Variants in SYCP2L observed in about 807,000 individuals in gnomAD.
SYCP2L encodes synaptonemal complex protein 2 like, also known as synaptonemal complex protein 2-like.
In SYCP2L, 98 loss-of-function variants were observed where a neutral mutation model predicts 125.8. That is an observed-to-expected ratio of 0.78 (90% CI 0.66 to 0.92). SYCP2L has a LOEUF of 0.92. Ranked by LOEUF, SYCP2L falls within the 40% of genes least tolerant of loss-of-function variation. SYCP2L has a pLI of 0.00. For missense variants in SYCP2L, 842 were observed against 936.4 expected (o/e 0.90, Z 1.32); for synonymous variants, 317 against 325.4 (o/e 0.97, Z 0.28).
At chr6:10,946,680 G>A (rs1781319072) in intron 23 of SYCP2L, among the ~76,000 whole-genome samples, 1 of 151,962 alleles carries the variant, frequency 6.6e-6, no homozygotes, top group South Asian at 2.1e-4. Flanking sequence ...TCTTCCTGAT[G>A]AAAATTTAGC....
intron 21 of SYCP2L, among the ~76,000 whole-genome samples, chr6:10,936,297 G>T (rs990582615): frequency 9.9e-5 from 15 of 152,012 alleles, no homozygotes; most frequent in African/African-American, 3.4e-4. Flanking sequence ...AGGAGTTCGA[G>T]ACCAGCCTGA....
chr6:10,917,273 G>A (rs1248343056), intron 14 of SYCP2L, among the ~76,000 whole-genome samples: 1 of 152,164 alleles, frequency 6.6e-6, no homozygotes, highest in Non-Finnish European at 1.5e-5. Flanking sequence ...TCGTGTTGCT[G>A]TCTATCTCAT....
intron 29 of SYCP2L, among the ~76,000 whole-genome samples, chr6:10,965,047 A>G (rs7775190): frequency 0.056 from 8,596 of 152,168 alleles, 802 homozygotes; most frequent in African/African-American, 0.19. Context: ...GAGAAAATAT[A>G]TGTGGTTTTT....
At chr6:10,959,114 AATC>A (rs1440285168) in intron 26 of SYCP2L, among the ~76,000 whole-genome samples, 3 of 152,278 alleles carry the variant, frequency 2.0e-5, no homozygotes, top group African/African-American at 7.2e-5. Context: ...TTCTTAAAAA[AATC>A]ATTATCCAGT....
At chr6:10,899,758 G>A (rs1225818739) in intron 6 of SYCP2L, among the ~76,000 whole-genome samples, 1 of 152,182 alleles carries the variant, frequency 6.6e-6, no homozygotes, top group African/African-American at 2.4e-5. Context: ...AGAAGCTTAA[G>A]CATGCCCTGT....
chr6:10,959,893 G>GA (rs1781569573), intron 26 of SYCP2L, among the ~76,000 whole-genome samples: 1 of 149,226 alleles, frequency 6.7e-6, no homozygotes. Context: ...AAGAAAGAAA[G>GA]AAAAGAAAAC....
At chr6:10,906,424 C>T (rs1780490928) in intron 9 of SYCP2L, among the ~76,000 whole-genome samples, 1 of 152,102 alleles carries the variant, frequency 6.6e-6, no homozygotes, top group Non-Finnish European at 1.5e-5. Context: ...TACTTTTACT[C>T]TGTACATCCC....
rs770588207 is a variant in SYCP2L at position 10,898,078 on chromosome 6, T to C, written c.404T>C (p.Leu135Pro). 110 of 1,614,044 alleles carry C rather than the reference T, an allele frequency of 6.8e-5. No homozygotes were observed. The highest frequency in any genetic ancestry group is 3.4e-6 in the Non-Finnish European group (4 of 1,179,992). Residue 135 changes from leucine to proline, a missense_variant, in exon 5 of 30, where the codon CTG becomes CCG. Leu to Pro is a moderately conservative substitution (Grantham distance 98). Coordinates refer to ENST00000283141, the MANE Select transcript of SYCP2L (RefSeq NM_001040274.3). ...TSEGLASDTS[L>P]ICVIEDFFDT... The stretch of plus-strand genomic sequence containing the variant: ...GAAGGCCTAGCCTCAGACACGTCGC[T>C]GATTTGTGTTATAGAAGATTTCTTT...
chr6:10,950,420 T>G (rs1314491737), intron 23 of SYCP2L, among the ~76,000 whole-genome samples: 1 of 152,188 alleles, frequency 6.6e-6, no homozygotes, highest in Non-Finnish European at 1.5e-5. Context: ...TTTTATTAGA[T>G]TTACACTCAG....
At chr6:10,973,792 T>A (rs1357558671) in intron 29 of SYCP2L, among the ~76,000 whole-genome samples, 160 bp from the exon 30 acceptor site, 3 of 152,244 alleles carry the variant, frequency 2.0e-5, no homozygotes, top group African/African-American at 7.2e-5. Context: ...TGACATGAGC[T>A]TTTGACAACC....
chr6:10,958,253 A>G (rs1369862052), intron 25 of SYCP2L, among the ~76,000 whole-genome samples: 3 of 152,106 alleles, frequency 2.0e-5, no homozygotes, highest in Admixed American at 6.6e-5. Flanking sequence ...AAGGTTCTGC[A>G]GGCCATACAG....
chr6:10,897,698 C>T (rs1780281481), intron 4 of SYCP2L, among the ~76,000 whole-genome samples: 1 of 152,210 alleles, frequency 6.6e-6, no homozygotes, highest in African/African-American at 2.4e-5. Context: ...AGGCATGAGC[C>T]ACTGCGCCTG....
intron 21 of SYCP2L, among the ~76,000 whole-genome samples, chr6:10,942,054 GA>G (rs1471546937): frequency 7.4e-6 from 1 of 135,600 alleles, no homozygotes; most frequent in Non-Finnish European, 1.6e-5. Flanking sequence ...TCGCAAGGAT[GA>G]AAAACACCAC....
chr6:10,916,077 A>G (rs1780687820), intron 14 of SYCP2L, among the ~76,000 whole-genome samples: 1 of 152,096 alleles, frequency 6.6e-6, no homozygotes, highest in African/African-American at 2.4e-5. Flanking sequence ...AAATTTATCC[A>G]TCTCTTCTAG....
At chr6:10,906,638 G>C (rs574241992) in intron 9 of SYCP2L, among the ~76,000 whole-genome samples, 15 of 150,700 alleles carry the variant, frequency 1.0e-4, no homozygotes, top group East Asian at 3.9e-4. Flanking sequence ...GCCCTTGTTG[G>C]CCAGGCTGGA....
chr6:10,947,662 T>TA (rs1781339783), intron 23 of SYCP2L, among the ~76,000 whole-genome samples: 3 of 152,126 alleles, frequency 2.0e-5, no homozygotes, highest in African/African-American at 7.2e-5. Flanking sequence ...ATTCTCTTAG[T>TA]TATCCTAAGT....
In SYCP2L at chr6:10,902,943, A is replaced by G. The variant is rs777414730; in HGVS notation, c.621A>G (p.Ser207=). 3.1e-6 allele frequency: 5 copies of G among 1,614,160 alleles called. No homozygotes were observed. The South Asian group carries it at 5.5e-5, about 18-fold the overall frequency. The change falls in exon 8 of 30, where the codon TCA becomes TCG. Residue 207 remains serine, a synonymous_variant. Coordinates refer to ENST00000283141, the MANE Select transcript of SYCP2L (RefSeq NM_001040274.3). ...AAGAGAGAAAAAAATTCCCTTTGTC[A>G]GAAGGCATGTGTCATCTTATGTAAG... is the stretch of plus-strand genomic sequence containing the variant. ...PREERKKFPL[S]EGMCHLMKDL... is the part of the protein sequence containing the mutation.
At chr6:10,933,011 C>T (rs528336625) in intron 20 of SYCP2L, among the ~76,000 whole-genome samples, 19 of 152,318 alleles carry the variant, frequency 1.2e-4, no homozygotes, top group African/African-American at 4.3e-4. Flanking sequence ...GCCTTGGCCT[C>T]CCAAAGTGCT....
chr6:10,947,051 T>C (rs1182238032), intron 23 of SYCP2L, among the ~76,000 whole-genome samples: 3 of 152,040 alleles, frequency 2.0e-5, no homozygotes, highest in African/African-American at 7.2e-5. Context: ...ATTTCATCTG[T>C]TTTTCACAAC....
Sources: gnomAD v4.1 joint callset for allele counts (sites outside exome capture counted in the v4.1 genomes callset) on GRCh38, gnomAD v4.1.1 for gene constraint, MANE v1.5 for transcripts, NCBI Gene and HGNC (gene_info 2026-07-23, HGNC 2026-07-21) for gene names.